CCDC102B: variants seen among roughly 807,000 people sequenced by gnomAD.
CCDC102B encodes coiled-coil domain-containing protein 102B.
CCDC102B carries 75 observed loss-of-function variants against 57.4 expected under a neutral mutation model. The observed-to-expected ratio is 1.31, with a 90% CI of 1.08 to 1.58. The LOEUF (loss-of-function observed/expected upper bound fraction) is 1.58. CCDC102B is among the 40% of genes most tolerant of loss of function. The pLI is 0.00. For synonymous variants in CCDC102B, 206 were observed against 201.9 expected (o/e 1.02, Z -0.17); for missense variants, 636 against 582.6 (o/e 1.09, Z -0.94).
rs1212358912 is a variant in CCDC102B, at chr18:69,054,278, T to C, written c.*141T>C. The C allele has an allele frequency of 4.6e-6, 6 of 1,315,220 alleles. No homozygotes were observed. 81.5% of individuals were successfully genotyped at this position (1,315,220 alleles called of 1,614,324 possible). On this transcript the variant is annotated 3_prime_UTR_variant, in exon 8 of 8. Coordinates refer to ENST00000360242, the MANE Select transcript of CCDC102B (RefSeq NM_024781.3). ...TAGACAATACACAAATTAATGGGCT[T>C]CTTCACTTCTTCTAATTTTTGCCTA... is the stretch of plus-strand genomic sequence containing the variant.
intron 7 of CCDC102B, among the ~76,000 whole-genome samples, chr18:69,044,499 GC>G (rs1396962410): frequency 6.6e-6 from 1 of 152,096 alleles, no homozygotes; most frequent in Non-Finnish European, 1.5e-5. Context: ...TCTAGAGAAG[GC>G]AATATGAGAT....
chr18:68,953,455 A>G (rs1199226145), intron 6 of CCDC102B, among the ~76,000 whole-genome samples: 1 of 147,692 alleles, frequency 6.8e-6, no homozygotes, highest in Non-Finnish European at 1.5e-5. Flanking sequence ...AGAGATGCTG[A>G]TTATCTTTTG....
At chr18:68,853,607 T>C (rs1016424416) in intron 4 of CCDC102B, among the ~76,000 whole-genome samples, 5 of 148,772 alleles carry the variant, frequency 3.4e-5, no homozygotes, top group African/African-American at 9.9e-5. Context: ...TTTCCAAAAT[T>C]TGCGAATTGT....
chr18:68,946,439 C>T (rs2049540951), intron 6 of CCDC102B, among the ~76,000 whole-genome samples: 1 of 151,958 alleles, frequency 6.6e-6, no homozygotes, highest in Non-Finnish European at 1.5e-5. Context: ...TTTAACAGAA[C>T]AGTTGAGAAT....
chr18:68,749,582 G>C (rs1243947360), intron 2 of CCDC102B, among the ~76,000 whole-genome samples: 1 of 152,092 alleles, frequency 6.6e-6, no homozygotes, highest in African/African-American at 2.4e-5. Context: ...CTGTTTGTCT[G>C]TTATTGGTGT....
At chr18:68,919,224 G>T (rs1326768457) in intron 6 of CCDC102B, among the ~76,000 whole-genome samples, 2 of 151,974 alleles carry the variant, frequency 1.3e-5, no homozygotes, top group Non-Finnish European at 2.9e-5. Context: ...AAGTGATAAT[G>T]AAACTAAGTT....
At chr18:68,793,290 G>T (rs1433573380), upstream of CCDC102B, among the ~76,000 whole-genome samples, 1 of 152,156 alleles carries the variant, frequency 6.6e-6, no homozygotes, top group African/African-American at 2.4e-5. Flanking sequence ...TAGCCATTAA[G>T]ATTTTTAAAC....
chr18:68,875,164 T>C (rs912178266), intron 5 of CCDC102B, among the ~76,000 whole-genome samples: 1 of 152,160 alleles, frequency 6.6e-6, no homozygotes, highest in African/African-American at 2.4e-5. Context: ...AACATTGCTA[T>C]TGGAAGCTAA....
rs764604692 is a variant in CCDC102B, at chr18:68,897,324, G to GT, written c.1160dup (p.Lys388GlufsTer9). 1.2e-6 allele frequency: 2 copies of GT among 1,613,132 alleles called. No individual in the cohort carries two copies. The highest frequency in any genetic ancestry group is 3.3e-5 in the Admixed American group (2 of 59,928). Reference sequence around the variant, plus strand: ...AGAAAATAGAAGGCTGAAGATCCAGGTGAAAGAAATGGAAGAGCTTTTGGA... The same window carrying GT: ...AGAAAATAGAAGGCTGAAGATCCAGGTTGAAAGAAATGGAAGAGCTTTTGGA... On this transcript the variant is annotated frameshift_variant, in exon 6 of 8. Transcript: ENST00000360242. LOFTEE classifies it high-confidence loss of function.
intron 6 of CCDC102B, 54 bp downstream of exon 6, chr18:68,897,482 A>G (rs184541596): frequency 7.4e-5 from 115 of 1,564,576 alleles, no homozygotes; most frequent in Admixed American, 1.5e-4. Context: ...TCTGATGCCT[A>G]CGCAGAGTCT....
At chr18:68,810,099 A>T (rs2036186322) in intron 1 of CCDC102B, among the ~76,000 whole-genome samples, 1 of 152,176 alleles carries the variant, frequency 6.6e-6, no homozygotes, top group South Asian at 2.1e-4. Context: ...TCAAATTAAT[A>T]TTTAGAGATA....
intron 6 of CCDC102B, among the ~76,000 whole-genome samples, chr18:69,009,924 ATTTTTTTTT>A (rs770668683): frequency 3.3e-4 from 11 of 33,532 alleles, no homozygotes; most frequent in Non-Finnish European, 3.5e-4. Flanking sequence ...TTTAATAAAG[ATTTTTTTTT>A]TTTTTTTTTT....
At chr18:69,056,522 A>G (rs112949857), downstream of CCDC102B, among the ~76,000 whole-genome samples, 109 of 151,924 alleles carry the variant, frequency 7.2e-4, no homozygotes, top group Admixed American at 3.4e-3. Context: ...TCTCCTACTC[A>G]TCCTTTTTGC....
At chr18:68,929,135 T>A (rs111717511) in intron 6 of CCDC102B, among the ~76,000 whole-genome samples, 42 of 151,920 alleles carry the variant, frequency 2.8e-4, no homozygotes, top group Non-Finnish European at 2.2e-4. Context: ...GGACACTGAA[T>A]GGATGTTGAA....
At chr18:68,886,332 T>A (rs910446514) in intron 5 of CCDC102B, among the ~76,000 whole-genome samples, 1 of 151,794 alleles carries the variant, frequency 6.6e-6, no homozygotes, top group African/African-American at 2.4e-5. Flanking sequence ...AAAATAAGGG[T>A]GATGATTTAT....
chr18:69,006,492 G>A (rs1055525649), intron 6 of CCDC102B, among the ~76,000 whole-genome samples: 3 of 151,560 alleles, frequency 2.0e-5, no homozygotes, highest in African/African-American at 2.4e-5. Flanking sequence ...GCAGGATCTC[G>A]GCTCACTGCA....
intron 6 of CCDC102B, among the ~76,000 whole-genome samples, chr18:68,960,407 C>T (rs1046811160): frequency 1.2e-4 from 19 of 152,166 alleles, no homozygotes; most frequent in African/African-American, 4.6e-4. Flanking sequence ...GCCCTCTTTC[C>T]TCTCCCCTTT....
intron 6 of CCDC102B, among the ~76,000 whole-genome samples, chr18:68,931,492 G>A (rs777944787): frequency 2.7e-4 from 41 of 151,768 alleles, no homozygotes; most frequent in Middle Eastern, 3.4e-3. Context: ...GATTTTTTCG[G>A]TTGGGGGGTG....
At chr18:68,776,352 GAC>G (rs1264773160) in intron 2 of CCDC102B, among the ~76,000 whole-genome samples, 1 of 152,096 alleles carries the variant, frequency 6.6e-6, no homozygotes, top group Non-Finnish European at 1.5e-5. Context: ...AAGATATAAA[GAC>G]ACACGCATGT....
Sources: gnomAD v4.1 joint callset for allele counts (sites outside exome capture counted in the v4.1 genomes callset) on GRCh38, gnomAD v4.1.1 for gene constraint, MANE v1.5 for transcripts, NCBI Gene and HGNC (gene_info 2026-07-23, HGNC 2026-07-21) for gene names.